NCALD: variants seen among roughly 807,000 people sequenced by gnomAD.
NCALD encodes the protein neurocalcin delta, also known as neurocalcin-delta.
In NCALD, 10 loss-of-function variants were observed where a neutral mutation model predicts 18.6. The ratio of observed to expected loss-of-function variants is 0.54; its 90% confidence interval spans 0.33 to 0.91. The LOEUF (loss-of-function observed/expected upper bound fraction) is 0.91. Ranked by LOEUF, NCALD falls within the 40% of genes least tolerant of loss-of-function variation. NCALD has a pLI of 0.03. For synonymous variants in NCALD, 88 were observed against 87.4 expected (o/e 1.01, Z -0.04); for missense variants, 184 against 247.6 (o/e 0.74, Z 1.72).
chr8:101,941,591 G>A (rs1010666032), intron 2 of NCALD, among the ~76,000 whole-genome samples: 2 of 152,170 alleles, frequency 1.3e-5, no homozygotes, highest in Non-Finnish European at 2.9e-5. Context: ...ACAAACTTAT[G>A]AACAAGATTC....
intron 4 of NCALD, among the ~76,000 whole-genome samples, chr8:101,876,809 T>C (rs995990733): frequency 6.6e-6 from 1 of 152,226 alleles, no homozygotes; most frequent in Non-Finnish European, 1.5e-5. Flanking sequence ...GCATTTTCAG[T>C]CCTTAATAAC....
At chr8:101,807,866 T>G (rs1586553724) in intron 4 of NCALD, among the ~76,000 whole-genome samples, 1 of 152,262 alleles carries the variant, frequency 6.6e-6, no homozygotes, top group East Asian at 1.9e-4. Flanking sequence ...ATGATTTAAA[T>G]TTCTATCTCA....
intron 3 of NCALD, among the ~76,000 whole-genome samples, chr8:101,895,595 G>C (rs1312668391): frequency 1.3e-5 from 2 of 148,936 alleles, no homozygotes; most frequent in African/African-American, 5.1e-5. Flanking sequence ...CAGATGACAT[G>C]ATTGTATATC....
chr8:101,854,458 T>C (rs541842994), intron 4 of NCALD, among the ~76,000 whole-genome samples: 2 of 152,150 alleles, frequency 1.3e-5, no homozygotes, highest in Non-Finnish European at 2.9e-5. Flanking sequence ...CTTTCTACTG[T>C]CCCTGCACTT....
chr8:102,019,938 T>G (rs1427967819), intron 2 of NCALD, among the ~76,000 whole-genome samples: 4 of 152,192 alleles, frequency 2.6e-5, no homozygotes, highest in Non-Finnish European at 4.4e-5. Flanking sequence ...ATGAATATTT[T>G]AAAACTACTT....
intron 3 of NCALD, chr8:101,692,192 T>C (rs1814759443): frequency 1.0e-6 from 1 of 985,340 alleles, no homozygotes; most frequent in African/African-American, 1.7e-5. Context: ...AAATGCAACC[T>C]TCTTTTTCAC....
rs570390719 is a variant in NCALD at position 102,114,003 on chromosome 8, G to A, written c.-210+10234C>T. Among the ~76,000 whole-genome samples, 11 of 152,346 alleles carry A rather than the reference G, an allele frequency of 7.2e-5. 1 individual carries two copies. Among genetic ancestry groups the A allele is most frequent in the South Asian group, 6.2e-4 (3 of 4,832 alleles). ...TGTATCCCCTCAAGGGGGTCACTCC[G>A]TAGAACTAATGCTAAAAGCAGCAAT... On this transcript the variant is annotated intron_variant, in intron 1 of 6. Coordinates refer to the NCALD transcript ENST00000311028.
At chr8:102,005,242 A>G (rs1277131378) in intron 2 of NCALD, among the ~76,000 whole-genome samples, 1 of 152,278 alleles carries the variant, frequency 6.6e-6, no homozygotes, top group East Asian at 1.9e-4. Context: ...TTCTCAAAAG[A>G]AGACATTTAT....
intron 2 of NCALD, among the ~76,000 whole-genome samples, chr8:101,994,644 G>A (rs1454852301): frequency 6.6e-6 from 1 of 152,250 alleles, no homozygotes; most frequent in Non-Finnish European, 1.5e-5. Flanking sequence ...GGCCCGGAGA[G>A]CCACATGGCT....
At chr8:101,789,971 A>C (rs991151802) in intron 1 of NCALD, among the ~76,000 whole-genome samples, 2 of 152,256 alleles carry the variant, frequency 1.3e-5, no homozygotes, top group Non-Finnish European at 2.9e-5. Flanking sequence ...CAAATTATTC[A>C]TTTAAGATCC....
chr8:102,088,555 GAA>G lies in NCALD; in HGVS notation c.-210+35680_-210+35681del, dbSNP rs201483363. Among the ~76,000 whole-genome samples the G allele has an allele frequency of 5.6e-3, 776 of 139,094 alleles. 4 individuals carry two copies. The highest frequency in any genetic ancestry group is 0.022 in the East Asian group (108 of 4,806). The allele number at this position is 139,094 out of a possible 152,430, so 91.3% of individuals were successfully genotyped here. A position where few individuals can be genotyped will look rare whatever the true frequency, so the allele number is the denominator to read the frequency against. Reference sequence around the variant, plus strand: ...AGGTGCCATAGATCCTGTTTTCGGGGAAAAAAAAAAAAAAGAACAACCTCTGT... The same window carrying G: ...AGGTGCCATAGATCCTGTTTTCGGGGAAAAAAAAAAAAGAACAACCTCTGT... On this transcript the variant is annotated intron_variant, in intron 1 of 6. Transcript: ENST00000311028.
rs778831537 is a variant in NCALD, at chr8:101,692,890, A to G, written c.385T>C (p.Tyr129His). ...TTCATTACAGAGGAAACCATCTTAT[A>G]GATTGCCTGGGGACAGAAGCGACAT... is the stretch of plus-strand genomic sequence containing the variant. ...AEMLEIVQAI[Y>H]KMVSSVMKMP... Residue 129 changes from tyrosine (Y) to histidine (H), a missense_variant, in exon 3 of 4, where the codon TAT becomes CAT. Physicochemically the swap from Tyr to His is moderately conservative, Grantham distance 83 (BLOSUM62 2). Coordinates refer to ENST00000220931, the MANE Select transcript of NCALD (RefSeq NM_032041.3). 2 of 1,612,650 alleles carry G rather than the reference A, an allele frequency of 1.2e-6. No homozygotes were observed. Among genetic ancestry groups the G allele is most frequent in the South Asian group, 1.1e-5 (1 of 91,058 alleles).
chr8:102,016,055 G>A (rs1022891008), intron 2 of NCALD, among the ~76,000 whole-genome samples: 2 of 152,046 alleles, frequency 1.3e-5, no homozygotes, highest in Admixed American at 6.6e-5. Flanking sequence ...TCAACAACTG[G>A]TAGAGAACCA....
intron 3 of NCALD, among the ~76,000 whole-genome samples, chr8:101,890,281 A>G (rs1816824831): frequency 6.6e-6 from 1 of 152,240 alleles, no homozygotes; most frequent in Non-Finnish European, 1.5e-5. Context: ...CTCATCTTTA[A>G]TTAAGAAAAT....
At chr8:101,847,703 T>C (rs1195101051) in intron 4 of NCALD, among the ~76,000 whole-genome samples, 2 of 152,170 alleles carry the variant, frequency 1.3e-5, no homozygotes, top group Non-Finnish European at 2.9e-5. Flanking sequence ...CTCAAAGAGC[T>C]TTGGTGCAGC....
At chr8:101,986,910 G>C (rs971505431) in intron 2 of NCALD, among the ~76,000 whole-genome samples, 1 of 152,198 alleles carries the variant, frequency 6.6e-6, no homozygotes, top group African/African-American at 2.4e-5. Flanking sequence ...AATGTGAGGG[G>C]AGCGAAGACT....
At chr8:101,815,923 T>G (rs893899888) in intron 4 of NCALD, among the ~76,000 whole-genome samples, 2 of 152,128 alleles carry the variant, frequency 1.3e-5, no homozygotes, top group Admixed American at 6.6e-5. Flanking sequence ...GTGGATAAAC[T>G]GTGGTACATC....
upstream of NCALD, among the ~76,000 whole-genome samples, chr8:101,793,746 A>C (rs1214597101): frequency 6.6e-6 from 1 of 152,232 alleles, no homozygotes; most frequent in Non-Finnish European, 1.5e-5. Context: ...GATTCACCAA[A>C]TTTAAAAATA....
intron 4 of NCALD, among the ~76,000 whole-genome samples, chr8:101,880,075 T>C (rs1816418346): frequency 1.4e-4 from 1 of 7,192 alleles, no homozygotes; most frequent in South Asian, 3.5e-3. Flanking sequence ...GAGCCCATGG[T>C]GTGGGGGGGA....
Sources: gnomAD v4.1 joint callset for allele counts (sites outside exome capture counted in the v4.1 genomes callset) on GRCh38, gnomAD v4.1.1 for gene constraint, MANE v1.5 for transcripts, NCBI Gene and HGNC (gene_info 2026-07-23, HGNC 2026-07-21) for gene names.